TMEM178B: variants seen among roughly 807,000 people sequenced by gnomAD.
The protein encoded by TMEM178B is transmembrane protein 178B.
In TMEM178B, 5 loss-of-function variants were observed where a neutral mutation model predicts 31.0. The ratio of observed to expected loss-of-function variants is 0.16; its 90% CI spans 0.08 to 0.34. The LOEUF is 0.34. TMEM178B is among the 10% of genes least tolerant of loss of function. The pLI is 1.00. For synonymous variants in TMEM178B, 164 were observed against 164.0 expected (o/e 1.00, Z 0.00); for missense variants, 275 against 400.3 (o/e 0.69, Z 2.67).
chr7:141,213,198 G>A (rs1473357535), intron 2 of TMEM178B, among the ~76,000 whole-genome samples: 2 of 152,176 alleles, frequency 1.3e-5, no homozygotes, highest in Non-Finnish European at 2.9e-5. Flanking sequence ...GGTCTTTAAA[G>A]CTACGGTTTA....
intron 2 of TMEM178B, among the ~76,000 whole-genome samples, chr7:141,229,688 C>T (rs1162759324): frequency 1.3e-5 from 2 of 151,876 alleles, no homozygotes; most frequent in Admixed American, 6.6e-5. Context: ...TTTGGGAGGC[C>T]GAAGTAGAAG....
chr7:141,166,084 G>C (rs1586805070), intron 1 of TMEM178B, among the ~76,000 whole-genome samples: 1 of 152,158 alleles, frequency 6.6e-6, no homozygotes, highest in African/African-American at 2.4e-5. Flanking sequence ...GAAAAAGCAG[G>C]CTGGATAGTC....
At chr7:141,377,413 T>C (rs1340677763) in intron 2 of TMEM178B, among the ~76,000 whole-genome samples, 1 of 151,912 alleles carries the variant, frequency 6.6e-6, no homozygotes, top group Admixed American at 6.6e-5. Context: ...GAACTCCTGA[T>C]GTCAGGTGAT....
intron 1 of TMEM178B, among the ~76,000 whole-genome samples, chr7:141,122,325 A>C (rs944355657): frequency 6.6e-6 from 1 of 152,238 alleles, no homozygotes; most frequent in African/African-American, 2.4e-5. Context: ...AATCTAGGCC[A>C]GTTCTGTCTA....
At chr7:141,416,588 A>G (rs1801100998) in intron 2 of TMEM178B, among the ~76,000 whole-genome samples, 1 of 152,240 alleles carries the variant, frequency 6.6e-6, no homozygotes, top group Admixed American at 6.5e-5. Flanking sequence ...ACTTGGAGGT[A>G]AATCAAACAC....
chr7:141,414,436 A>G (rs986768668), intron 2 of TMEM178B: 1 of 152,520 alleles, frequency 6.6e-6, no homozygotes. Context: ...AGTATACCAT[A>G]ATTTCTATAA....
intron 1 of TMEM178B, among the ~76,000 whole-genome samples, chr7:141,202,248 T>C (rs1796889797): frequency 4.6e-5 from 7 of 152,160 alleles, no homozygotes; most frequent in Admixed American, 3.9e-4. Context: ...CAAGCTCCTC[T>C]ATCTCAGAGC....
At chr7:141,308,066 G>A (rs1198921397) in intron 2 of TMEM178B, among the ~76,000 whole-genome samples, 1 of 152,222 alleles carries the variant, frequency 6.6e-6, no homozygotes, top group East Asian at 1.9e-4. Context: ...TTCTGTGGTA[G>A]AGATTTGATT....
At chr7:141,267,601 G>A (rs1017964379) in intron 2 of TMEM178B, among the ~76,000 whole-genome samples, 4 of 152,228 alleles carry the variant, frequency 2.6e-5, no homozygotes, top group African/African-American at 9.6e-5. Context: ...GCATCAGGCT[G>A]GAAAACCAAG....
At chr7:141,229,013 CT>C (rs3035763) in intron 2 of TMEM178B, among the ~76,000 whole-genome samples, 41,481 of 80,370 alleles carry the variant, frequency 0.52, 9,790 homozygotes, top group South Asian at 0.66. Context: ...TCAGTACTAT[CT>C]TTTTTTTTTT....
chr7:141,128,913 C>T (rs150080301), intron 1 of TMEM178B, among the ~76,000 whole-genome samples: 77 of 152,230 alleles, frequency 5.1e-4, no homozygotes, highest in African/African-American at 1.7e-3. Flanking sequence ...TGTAATTAAA[C>T]ACCATGATTG....
At chr7:141,088,687 C>G (rs1794828940) in intron 1 of TMEM178B, among the ~76,000 whole-genome samples, 2 of 152,286 alleles carry the variant, frequency 1.3e-5, no homozygotes, top group East Asian at 1.9e-4. Flanking sequence ...TCATTTTCCT[C>G]TGTCTTAGAG....
intron 1 of TMEM178B, among the ~76,000 whole-genome samples, chr7:141,162,828 C>G (rs1426536510): frequency 6.6e-6 from 1 of 152,172 alleles, no homozygotes; most frequent in East Asian, 1.9e-4. Context: ...ATTTCCTGAT[C>G]CATTTGTGGG....
rs1396732111 is a variant in TMEM178B, at chr7:141,173,847, T to C, written c.383-38744T>C. On this transcript the variant is annotated intron_variant, in intron 1 of 3. Coordinates refer to ENST00000565468, the MANE Select transcript of TMEM178B (RefSeq NM_001195278.2). ...TTTTGACTCAACTCCATATATAGAC[T>C]TAATAGGGGCCAGCATTGTGTTTTG... 2.0e-5 allele frequency among the ~76,000 whole-genome samples: 3 copies of C among 152,130 alleles called. No homozygotes were observed. The East Asian group carries it at 5.8e-4, about 29-fold the overall frequency.
At chr7:141,346,643 C>G (rs115567892) in intron 2 of TMEM178B, among the ~76,000 whole-genome samples, 45 of 152,222 alleles carry the variant, frequency 3.0e-4, no homozygotes, top group African/African-American at 1.1e-3. Flanking sequence ...CAGACACACA[C>G]CTCTAATTCT....
At chr7:141,399,067 T>G (rs576309788) in intron 2 of TMEM178B, among the ~76,000 whole-genome samples, 40 of 152,360 alleles carry the variant, frequency 2.6e-4, no homozygotes, top group African/African-American at 9.4e-4. Flanking sequence ...TTTCTTCCTT[T>G]GCTTTTTCTT....
intron 2 of TMEM178B, among the ~76,000 whole-genome samples, chr7:141,321,140 C>T (rs187422108): frequency 7.9e-5 from 12 of 152,278 alleles, no homozygotes; most frequent in Non-Finnish European, 2.9e-5. Context: ...ACAGTTACAG[C>T]CTGGGTGAGA....
At chr7:141,215,337 A>ATTTTTTTTTTTTTTTT (rs67571979) in intron 2 of TMEM178B, among the ~76,000 whole-genome samples, 1 of 141,486 alleles carries the variant, frequency 7.1e-6, no homozygotes. Flanking sequence ...TATTATTATT[A>ATTTTTTTTTTTTTTTT]TTTTTTGAGA....
intron 1 of TMEM178B, among the ~76,000 whole-genome samples, chr7:141,190,317 G>GT (rs544647978): frequency 2.2e-4 from 33 of 148,246 alleles, no homozygotes; most frequent in South Asian, 6.5e-4. Flanking sequence ...TGTAACTTTT[G>GT]TTTTTTTTTT....
Sources: allele counts gnomAD v4.1 joint callset (sites outside exome capture counted in the v4.1 genomes callset), GRCh38; gene constraint gnomAD v4.1.1; transcripts MANE v1.5; gene names NCBI Gene and HGNC (gene_info 2026-07-23, HGNC 2026-07-21).